The following GNAI3 variants were observed in gnomAD, a reference collection of about 807,000 sequenced individuals.
The protein encoded by GNAI3 is guanine nucleotide-binding protein G(i) subunit alpha-3.
In GNAI3, 12 loss-of-function variants were observed where a neutral mutation model predicts 41.8. The observed-to-expected ratio is 0.29, with a 90% confidence interval of 0.18 to 0.47. The LOEUF is 0.47. GNAI3 is among the 20% of genes least tolerant of loss of function. The pLI, the probability that GNAI3 is intolerant of heterozygous loss-of-function variation, is 1.00. For missense variants in GNAI3, 360 were observed against 429.6 expected (o/e 0.84, Z 1.43); for synonymous variants, 132 against 146.5 (o/e 0.90, Z 0.71).
rs756216514 is a variant in GNAI3, at chr1:109,598,907, G to C, written c.*6585G>C. On this transcript the variant is annotated 3_prime_UTR_variant, in exon 9 of 9. Coordinates refer to ENST00000369851, the MANE Select transcript of GNAI3 (RefSeq NM_006496.4). ...TGTGCTCTGGGGGCTGTGCCGGGTA[G>C]AGAGGGCAGTGGGAGGTAAGAGCTC... The C allele has an allele frequency of 3.7e-6, 2 of 534,814 alleles. No individual in the cohort carries two copies. Among genetic ancestry groups the C allele is most frequent in the African/African-American group, 3.8e-5 (2 of 51,968 alleles). The allele number at this position is 534,814 out of a possible 1,614,324, so 33.1% of individuals were successfully genotyped here. A position where few individuals can be genotyped will look rare whatever the true frequency, so the allele number is the denominator to read the frequency against.
intron 1 of GNAI3, among the ~76,000 whole-genome samples, chr1:109,566,696 G>A (rs1648463473): frequency 6.6e-6 from 1 of 152,194 alleles, no homozygotes; most frequent in East Asian, 1.9e-4. Flanking sequence ...TGAATAGCTG[G>A]GATTACAGGT....
chr1:109,558,423 A>AAAAAAC (rs1033805854), intron 1 of GNAI3, among the ~76,000 whole-genome samples: 2 of 152,084 alleles, frequency 1.3e-5, no homozygotes, highest in East Asian at 1.9e-4. Context: ...ACTCTGTCTC[A>AAAAAAC]AAAAACAAAA....
chr1:109,573,882 T>G lies in GNAI3; in HGVS notation c.162-14T>G, dbSNP rs769930394. 6.2e-7 allele frequency: 1 copy of G among 1,609,910 alleles called. No homozygotes were observed. Among genetic ancestry groups the G allele is most frequent in the South Asian group, 1.1e-5 (1 of 90,478 alleles). On this transcript the variant is annotated splice_polypyrimidine_tract_variant and intron_variant, in intron 2 of 8. Coordinates refer to ENST00000369851, the MANE Select transcript of GNAI3 (RefSeq NM_006496.4). ...GGTCCATGGTATTGACTTGTGGTTT[T>G]CTTTGTTTTAAAGAATCATTCATGA...
intron 3 of GNAI3, among the ~76,000 whole-genome samples, chr1:109,578,162 T>G (rs1198328501): frequency 1.3e-5 from 2 of 152,176 alleles, no homozygotes; most frequent in African/African-American, 4.8e-5. Flanking sequence ...GTTTAAAAAC[T>G]ATAACCACCT....
chr1:109,568,623 T>A (rs888939292), intron 1 of GNAI3, among the ~76,000 whole-genome samples: 1 of 151,332 alleles, frequency 6.6e-6, no homozygotes, highest in African/African-American at 2.4e-5. Flanking sequence ...ATTGTTGAAT[T>A]TTTTTTTTGG....
At chr1:109,555,942 G>C (rs1446490334) in intron 1 of GNAI3, among the ~76,000 whole-genome samples, 1 of 147,184 alleles carries the variant, frequency 6.8e-6, no homozygotes, top group Non-Finnish European at 1.5e-5. Flanking sequence ...ACTTTCTCCT[G>C]GGGAAAGGAG....
intron 5 of GNAI3, 104 bp downstream of exon 5, chr1:109,582,669 G>C: frequency 1.4e-6 from 1 of 731,750 alleles, no homozygotes; most frequent in Non-Finnish European, 2.4e-6. Flanking sequence ...GTATTCCTTG[G>C]TTTAAACTTA....
At chr1:109,580,397 G>C (rs369869854) in intron 4 of GNAI3, among the ~76,000 whole-genome samples, 1 of 152,130 alleles carries the variant, frequency 6.6e-6, no homozygotes, top group Admixed American at 6.5e-5. Context: ...AAGCATTAAA[G>C]TTTTTTCTCC....
rs1649187311 is a variant in GNAI3, at chr1:109,592,076, T to C, written c.908T>C (p.Ile303Thr). Residue 303 changes from isoleucine to threonine, a missense_variant, in exon 8 of 9, where the codon ATT becomes ACT. By Grantham distance (89) the Ile-to-Thr change is moderately conservative. Transcript: ENST00000369851. ...SNTYEEAAAY[I>T]QCQFEDLNRR... ...ACATATGAAGAGGCAGCTGCCTATA[T>C]TCAATGCCAGTTTGAAGATCTGAAC... 6.2e-7 allele frequency: 1 copy of C among 1,612,834 alleles called. No homozygotes were observed. The highest frequency in any genetic ancestry group is 8.5e-7 in the Non-Finnish European group (1 of 1,179,094).
intron 1 of GNAI3, among the ~76,000 whole-genome samples, chr1:109,565,117 G>A (rs1367307235): frequency 4.0e-5 from 6 of 151,812 alleles, no homozygotes; most frequent in African/African-American, 4.8e-5. Context: ...AAAAAAAATC[G>A]ACCTGGCGTG....
At chr1:109,574,188 A>G in intron 3 of GNAI3, 151 bp downstream of exon 3, 1 of 587,558 alleles carries the variant, frequency 1.7e-6, no homozygotes, top group Non-Finnish European at 2.9e-6. Flanking sequence ...AAATGTTAGC[A>G]ATCTACTTTA....
intron 4 of GNAI3, among the ~76,000 whole-genome samples, chr1:109,580,990 A>G (rs1359596984): frequency 1.3e-5 from 2 of 152,224 alleles, no homozygotes; most frequent in Non-Finnish European, 2.9e-5. Context: ...GTGGTCATCA[A>G]AGGTAGATTA....
chr1:109,570,729 C>T (rs1042197678), intron 1 of GNAI3, among the ~76,000 whole-genome samples: 1 of 152,176 alleles, frequency 6.6e-6, no homozygotes, highest in Non-Finnish European at 1.5e-5. Context: ...CTGACAAGAG[C>T]TGTGAGGACA....
intron 1 of GNAI3, among the ~76,000 whole-genome samples, chr1:109,554,706 T>C (rs113309413): frequency 0.032 from 4,840 of 152,280 alleles, 212 homozygotes; most frequent in African/African-American, 0.089. Flanking sequence ...CTTTTTAGTT[T>C]AGTTGAGTCC....
intron 1 of GNAI3, among the ~76,000 whole-genome samples, chr1:109,559,013 C>G (rs892933523): frequency 6.6e-6 from 1 of 151,900 alleles, no homozygotes. Context: ...TCCATCTCTA[C>G]TAAAAATACA....
chr1:109,559,346 A>ACTG (rs1464053161), intron 1 of GNAI3, among the ~76,000 whole-genome samples: 1 of 152,198 alleles, frequency 6.6e-6, no homozygotes, highest in East Asian at 1.9e-4. Context: ...CTCACATCAG[A>ACTG]AATAGGAGAT....
At chr1:109,578,020 T>G (rs534057646) in intron 3 of GNAI3, among the ~76,000 whole-genome samples, 2 of 152,318 alleles carry the variant, frequency 1.3e-5, no homozygotes, top group East Asian at 3.9e-4. Flanking sequence ...TAGATAAATA[T>G]TAGATGTGGA....
intron 7 of GNAI3, chr1:109,591,554 G>A (rs1342237105): frequency 2.9e-6 from 2 of 687,338 alleles, no homozygotes; most frequent in African/African-American, 1.8e-5. Flanking sequence ...AACGCTTCAC[G>A]AATTTGCGTG....
chr1:109,577,301 G>A (rs1571157796), intron 3 of GNAI3, among the ~76,000 whole-genome samples: 1 of 145,354 alleles, frequency 6.9e-6, no homozygotes, highest in East Asian at 2.0e-4. Flanking sequence ...TTTTGAGATG[G>A]AGTTTTGCTC....
Sources: allele counts gnomAD v4.1 joint callset (sites outside exome capture counted in the v4.1 genomes callset), GRCh38; gene constraint gnomAD v4.1.1; transcripts MANE v1.5; gene names NCBI Gene and HGNC (gene_info 2026-07-23, HGNC 2026-07-21).